Variants in SPAG16 observed in about 807,000 individuals in gnomAD.
SPAG16 encodes sperm associated antigen 16, also known as sperm-associated antigen 16 protein.
SPAG16 carries 86 observed loss-of-function variants against 80.4 expected under a neutral mutation model. That is an observed-to-expected ratio of 1.07 (90% CI 0.90 to 1.28). The LOEUF is 1.28. Among genes scored for constraint, SPAG16 ranks in the 50% most tolerant of loss-of-function variants. The pLI, the probability that SPAG16 is intolerant of heterozygous loss-of-function variation, is 0.00. For missense variants in SPAG16, 870 were observed against 765.3 expected, an observed-to-expected ratio of 1.14 and a Z score of -1.61; for synonymous variants, 294 against 265.9, an observed-to-expected ratio of 1.11 and a Z score of -1.03.
At chr2:213,532,835 C>T (rs1643118659) in intron 10 of SPAG16, among the ~76,000 whole-genome samples, 1 of 152,054 alleles carries the variant, frequency 6.6e-6, no homozygotes, top group Non-Finnish European at 1.5e-5. Context: ...GTATTTCAAA[C>T]CATATAATAC....
chr2:213,444,440 A>T (rs1341405670), intron 9 of SPAG16, among the ~76,000 whole-genome samples: 1 of 152,220 alleles, frequency 6.6e-6, no homozygotes, highest in East Asian at 1.9e-4. Flanking sequence ...TAGTACATCC[A>T]TAAGAGGAGG....
At chr2:213,919,563 C>T (rs571378232) in intron 11 of SPAG16, among the ~76,000 whole-genome samples, 1 of 152,290 alleles carries the variant, frequency 6.6e-6, no homozygotes, top group South Asian at 2.1e-4. Flanking sequence ...AAAAGCCATT[C>T]AAGTGCAGCT....
Position 214,198,831 on chromosome 2 carries a change from A to G in SPAG16, c.1720+49565A>G, listed in dbSNP as rs555019030. On this transcript the variant is annotated intron_variant, in intron 15 of 15. Transcript: ENST00000331683. ...TAATGTGGTGCCTTATTATGGTTTT[A>G]ATTTGCATTTCCCTGATAATTAGGG... Among the ~76,000 whole-genome samples, 4 of 152,054 alleles carry G rather than the reference A, an allele frequency of 2.6e-5. No individual in the cohort carries two copies. The South Asian group carries it at 8.3e-4, about 32-fold the overall frequency.
chr2:213,583,024 CA>C (rs1427902065), intron 10 of SPAG16, among the ~76,000 whole-genome samples: 1 of 152,070 alleles, frequency 6.6e-6, no homozygotes, highest in East Asian at 1.9e-4. Context: ...GGTAAGTTAA[CA>C]GCTATATTCA....
At position 213,677,983 on chromosome 2, in the gene SPAG16, T is replaced by A. The variant is rs2064178999; in HGVS notation, c.1071-184502T>A. Among the ~76,000 whole-genome samples, 9 of 151,916 alleles carry A rather than the reference T, an allele frequency of 5.9e-5. 1 individual carries two copies. In the South Asian group the frequency reaches 1.9e-3, roughly 32 times the overall value. On this transcript the variant is annotated intron_variant, in intron 10 of 15. Transcript: ENST00000331683. The stretch of plus-strand genomic sequence containing the variant: ...AGAAACTCACTCAAAACCGCTCAAC[T>A]ACATGGAAACTGAACAACCTGCTCC...
At chr2:213,815,776 A>C (rs184296909) in intron 10 of SPAG16, among the ~76,000 whole-genome samples, 1 of 152,246 alleles carries the variant, frequency 6.6e-6, no homozygotes, top group Admixed American at 6.5e-5. Flanking sequence ...ATTAATTTTT[A>C]CTTATTATAC....
chr2:213,740,595 G>T (rs2067502468), intron 10 of SPAG16, among the ~76,000 whole-genome samples: 1 of 152,160 alleles, frequency 6.6e-6, no homozygotes, highest in South Asian at 2.1e-4. Context: ...AAACTCCAGG[G>T]GGAAGTCCCG....
At chr2:214,267,545 A>G (rs1389056665) in intron 15 of SPAG16, among the ~76,000 whole-genome samples, 2 of 151,888 alleles carry the variant, frequency 1.3e-5, no homozygotes, top group East Asian at 3.9e-4. Context: ...TAAAACTATT[A>G]AAAGAGAACA....
chr2:213,670,930 AC>A (rs2063791961), intron 10 of SPAG16, among the ~76,000 whole-genome samples: 1 of 152,220 alleles, frequency 6.6e-6, no homozygotes, highest in South Asian at 2.1e-4. Context: ...AAGAGGTCAG[AC>A]TTGTCTTTCT....
chr2:213,474,705 A>G (rs1457993445), intron 9 of SPAG16, among the ~76,000 whole-genome samples: 1 of 152,130 alleles, frequency 6.6e-6, no homozygotes, highest in East Asian at 1.9e-4. Context: ...AAAGAACTCT[A>G]TCCTTAATAT....
chr2:213,743,625 T>G (rs999973979), intron 10 of SPAG16, among the ~76,000 whole-genome samples: 1 of 152,218 alleles, frequency 6.6e-6, no homozygotes, highest in Non-Finnish European at 1.5e-5. Flanking sequence ...TCAGTCAAAC[T>G]GTCCCTCCTT....
chr2:214,184,966 T>C (rs1418944746), intron 15 of SPAG16, among the ~76,000 whole-genome samples: 1 of 152,116 alleles, frequency 6.6e-6, no homozygotes, highest in Non-Finnish European at 1.5e-5. Flanking sequence ...GCATTTAGAA[T>C]ATTCTATGGA....
intron 9 of SPAG16, among the ~76,000 whole-genome samples, chr2:213,460,768 G>A (rs147815266): frequency 8.5e-5 from 13 of 152,160 alleles, no homozygotes; most frequent in African/African-American, 1.9e-4. Flanking sequence ...GCTACGGTTG[G>A]TCATAGTAAA....
At chr2:213,303,081 C>T (rs920739322) in intron 3 of SPAG16, among the ~76,000 whole-genome samples, 1 of 151,988 alleles carries the variant, frequency 6.6e-6, no homozygotes, top group African/African-American at 2.4e-5. Context: ...TATATTTTGC[C>T]CTGACCTTAC....
chr2:213,678,556 C>T (rs115884673), intron 10 of SPAG16, among the ~76,000 whole-genome samples: 41 of 152,256 alleles, frequency 2.7e-4, no homozygotes, highest in South Asian at 6.2e-4. Flanking sequence ...TAACCACTAT[C>T]GGTACACCTT....
chr2:214,209,137 C>T (rs917887515), intron 15 of SPAG16, among the ~76,000 whole-genome samples: 3 of 152,080 alleles, frequency 2.0e-5, no homozygotes, highest in Admixed American at 6.6e-5. Context: ...TACCTAGAGT[C>T]CAGACTCAAA....
intron 11 of SPAG16, among the ~76,000 whole-genome samples, chr2:213,916,953 C>A (rs1169145305): frequency 1.3e-5 from 2 of 152,086 alleles, no homozygotes; most frequent in South Asian, 4.1e-4. Context: ...TTTAATCCAC[C>A]TTGAGTTTAT....
rs76179411 is a variant in SPAG16 at position 214,397,885 on chromosome 2, A to G, written c.1721-12255A>G. Among the ~76,000 whole-genome samples the G allele has an allele frequency of 8.4e-3, 1,278 of 152,302 alleles. 24 individuals carry two copies. Among genetic ancestry groups the G allele is most frequent in the African/African-American group, 0.029 (1,194 of 41,564 alleles). ...TTAAATGCCTAGTGTCATTCCTCCTAAAATGACAGCATCTTGTTCTTCATT... is the reference window on the plus strand; with the variant it reads ...TTAAATGCCTAGTGTCATTCCTCCTGAAATGACAGCATCTTGTTCTTCATT... On this transcript the variant is annotated intron_variant, in intron 15 of 15. Coordinates refer to ENST00000331683, the MANE Select transcript of SPAG16 (RefSeq NM_024532.5).
chr2:213,313,913 T>G (rs2063302991), intron 4 of SPAG16, among the ~76,000 whole-genome samples: 1 of 151,888 alleles, frequency 6.6e-6, no homozygotes, highest in Non-Finnish European at 1.5e-5. Context: ...TATGAAAACA[T>G]GGAGGAAAAG....
Sources: gnomAD v4.1 joint callset for allele counts (sites outside exome capture counted in the v4.1 genomes callset) on GRCh38, gnomAD v4.1.1 for gene constraint, MANE v1.5 for transcripts, NCBI Gene and HGNC (gene_info 2026-07-23, HGNC 2026-07-21) for gene names.